OSBPL10: variants seen among roughly 807,000 people sequenced by gnomAD.
OSBPL10 encodes oxysterol binding protein like 10.
Under a neutral mutation model 81.7 loss-of-function variants are expected in OSBPL10, and 49 were observed. The ratio of observed to expected loss-of-function variants is 0.60; its 90% CI spans 0.48 to 0.76. The LOEUF (loss-of-function observed/expected upper bound fraction) is 0.76, where lower values mean the gene tolerates loss of function less well. OSBPL10 is among the 30% of genes least tolerant of loss of function. OSBPL10 has a pLI of 0.00. For missense variants in OSBPL10, 923 were observed against 987.8 expected (o/e 0.93, Z 0.88); for synonymous variants, 419 against 383.6 (o/e 1.09, Z -1.08).
intron 1 of OSBPL10, among the ~76,000 whole-genome samples, chr3:31,944,833 TAA>T (rs869140991): frequency 3.6e-5 from 2 of 55,114 alleles, no homozygotes; most frequent in African/African-American, 1.0e-4. Context: ...CCCCTCTCTT[TAA>T]AAAAAAAAAA....
intron 2 of OSBPL10, among the ~76,000 whole-genome samples, chr3:32,017,977 C>T (rs755659084): frequency 5.9e-5 from 9 of 151,764 alleles, no homozygotes; most frequent in Non-Finnish European, 1.0e-4. Flanking sequence ...GGTGAAACCC[C>T]GTCTCTACTA....
chr3:31,661,951 T>C lies in OSBPL10; in HGVS notation c.*121A>G, dbSNP rs533322113. On this transcript the variant is annotated 3_prime_UTR_variant, in exon 12 of 12. Coordinates refer to ENST00000396556, the MANE Select transcript of OSBPL10 (RefSeq NM_017784.5). ...TCATAGTATATAATTTCTCTCTCTC[T>C]CATCATTTCTTGGATGCTAATACAA... is the stretch of plus-strand genomic sequence containing the variant. 35 of 1,377,144 alleles carry C rather than the reference T, an allele frequency of 2.5e-5. 1 individual carries two copies. The South Asian group carries it at 4.2e-4, about 17-fold the overall frequency. The allele number at this position is 1,377,144 out of a possible 1,614,324, so 85.3% of individuals were successfully genotyped here.
At chr3:31,848,623 G>A (rs1700691247) in intron 3 of OSBPL10, among the ~76,000 whole-genome samples, 1 of 152,052 alleles carries the variant, frequency 6.6e-6, no homozygotes, top group African/African-American at 2.4e-5. Flanking sequence ...GAATAAATGG[G>A]AGCAATGACT....
At chr3:31,892,245 T>C (rs1019203466) in intron 1 of OSBPL10, among the ~76,000 whole-genome samples, 2 of 151,570 alleles carry the variant, frequency 1.3e-5, no homozygotes, top group Admixed American at 1.3e-4. Flanking sequence ...GAAAAACCAG[T>C]GTGTTTGGAG....
chr3:31,726,025 G>C (rs1405935894), intron 6 of OSBPL10, among the ~76,000 whole-genome samples: 1 of 152,186 alleles, frequency 6.6e-6, no homozygotes, highest in Non-Finnish European at 1.5e-5. Context: ...AAGAAAACCT[G>C]CTTGGGGTAC....
chr3:31,785,284 A>G (rs111996462), intron 4 of OSBPL10, among the ~76,000 whole-genome samples: 3,951 of 152,332 alleles, frequency 0.026, 79 homozygotes, highest in Middle Eastern at 0.034. Flanking sequence ...TATCCAAAAT[A>G]AAAATGAAAA....
intron 8 of OSBPL10, among the ~76,000 whole-genome samples, chr3:31,674,242 C>G (rs1183926022): frequency 1.3e-5 from 2 of 151,994 alleles, no homozygotes; most frequent in African/African-American, 4.8e-5. Flanking sequence ...TGCAAGAGCT[C>G]CCCTGAGAGC....
At chr3:31,708,063 A>G (rs1327201916) in intron 6 of OSBPL10, among the ~76,000 whole-genome samples, 1 of 152,170 alleles carries the variant, frequency 6.6e-6, no homozygotes, top group Non-Finnish European at 1.5e-5. Flanking sequence ...CCAACAACCA[A>G]TTACTGAATC....
intron 6 of OSBPL10, among the ~76,000 whole-genome samples, chr3:31,711,390 G>A (rs1362972250): frequency 6.6e-6 from 1 of 152,226 alleles, no homozygotes; most frequent in Non-Finnish European, 1.5e-5. Context: ...CTCAGGAGGG[G>A]AACGCAGTGG....
At chr3:31,900,775 A>AAAG (rs1696213423) in intron 1 of OSBPL10, among the ~76,000 whole-genome samples, 4 of 152,322 alleles carry the variant, frequency 2.6e-5, no homozygotes, top group East Asian at 3.9e-4. Flanking sequence ...TTCCTGCCTT[A>AAAG]CTGCAAAGCA....
intron 1 of OSBPL10, among the ~76,000 whole-genome samples, chr3:31,881,549 C>A (rs184645772): frequency 6.6e-6 from 1 of 152,064 alleles, no homozygotes; most frequent in East Asian, 1.9e-4. Flanking sequence ...AAAACATCAA[C>A]GTAGAACAGG....
Position 31,747,829 on chromosome 3 carries a change from G to A in OSBPL10, c.940+81C>T, listed in dbSNP as rs538323271. ...TGGATGGATCGTAGAGAAATGGATG[G>A]AATTAAAGGAGGAAGACAGTGGGAC... On this transcript the variant is annotated intron_variant, in intron 5 of 11. Coordinates refer to ENST00000396556, the MANE Select transcript of OSBPL10 (RefSeq NM_017784.5). 297 of 1,384,676 alleles carry A rather than the reference G, an allele frequency of 2.1e-4. 1 individual carries two copies. In the Middle Eastern group the frequency reaches 3.7e-3, roughly 17 times the overall value. The allele number at this position is 1,384,676 out of a possible 1,614,324, so 85.8% of individuals were successfully genotyped here.
chr3:32,040,437 G>A (rs1335366790), intron 2 of OSBPL10, among the ~76,000 whole-genome samples: 2 of 152,054 alleles, frequency 1.3e-5, no homozygotes, highest in Non-Finnish European at 1.5e-5. Flanking sequence ...TTAGCCAGAT[G>A]TGGTGGCATG....
At chr3:31,741,043 G>C (rs577864839) in intron 5 of OSBPL10, among the ~76,000 whole-genome samples, 1 of 152,088 alleles carries the variant, frequency 6.6e-6, no homozygotes, top group Non-Finnish European at 1.5e-5. Flanking sequence ...ATCTATCCTT[G>C]GCCTTATTTT....
intron 4 of OSBPL10, among the ~76,000 whole-genome samples, chr3:31,816,319 G>A (rs1418496236): frequency 6.6e-6 from 1 of 152,144 alleles, no homozygotes; most frequent in Non-Finnish European, 1.5e-5. Context: ...CAAGAGCTAG[G>A]CTGCAAACAT....
chr3:31,803,283 C>G (rs1250828247), intron 4 of OSBPL10, among the ~76,000 whole-genome samples: 1 of 152,202 alleles, frequency 6.6e-6, no homozygotes, highest in African/African-American at 2.4e-5. Flanking sequence ...GCTGAAGAGG[C>G]TAAGGTCTTC....
At chr3:31,694,600 T>C (rs1182187708) in intron 7 of OSBPL10, among the ~76,000 whole-genome samples, 1 of 152,202 alleles carries the variant, frequency 6.6e-6, no homozygotes, top group Non-Finnish European at 1.5e-5. Flanking sequence ...TTACCCTGTA[T>C]ACACTAAATA....
At chr3:31,948,209 C>T (rs1190470719) in intron 1 of OSBPL10, among the ~76,000 whole-genome samples, 1 of 152,190 alleles carries the variant, frequency 6.6e-6, no homozygotes, top group Non-Finnish European at 1.5e-5. Flanking sequence ...CAGCAACATC[C>T]ACAATGGACA....
chr3:32,026,057 T>TAGATGATAGATAGATA lies in OSBPL10; in HGVS notation n.298+20433_298+20434insTATCTATCTATCATCT, dbSNP rs58717718. On this transcript the variant is annotated intron_variant and non_coding_transcript_variant, in intron 2 of 3. Transcript: ENST00000479173. Reference sequence around the variant, plus strand: ...ATAGATAGATAGATAGATAGATAGATGATAGATAGATAGATAGATAGATAG... The same window carrying TAGATGATAGATAGATA: ...ATAGATAGATAGATAGATAGATAGATAGATGATAGATAGATAGATAGATAGATAGATAGATAGATAG... Among the ~76,000 whole-genome samples the TAGATGATAGATAGATA allele has an allele frequency of 1.0e-3, 111 of 111,312 alleles. 1 individual carries two copies. Among genetic ancestry groups the TAGATGATAGATAGATA allele is most frequent in the African/African-American group, 2.7e-3 (80 of 29,264 alleles). 73.0% of individuals were successfully genotyped at this position (111,312 alleles called of 152,430 possible).
Sources: gnomAD v4.1 joint callset for allele counts (sites outside exome capture counted in the v4.1 genomes callset) on GRCh38, gnomAD v4.1.1 for gene constraint, MANE v1.5 for transcripts, NCBI Gene and HGNC (gene_info 2026-07-23, HGNC 2026-07-21) for gene names.